C10orf67: variants seen among roughly 807,000 people sequenced by gnomAD.
C10orf67 encodes chromosome 10 open reading frame 67.
A neutral mutation model predicts 35.6 loss-of-function variants in C10orf67; 60 were observed. The ratio of observed to expected loss-of-function variants is 1.68; its 90% confidence interval spans 1.37 to 2.09. The LOEUF is 2.09. Ranked by LOEUF, C10orf67 falls within the 30% of genes most tolerant of loss-of-function variation. C10orf67 has a pLI of 0.00. For missense variants in C10orf67, 474 were observed against 330.2 expected, an observed-to-expected ratio of 1.44 and a Z score of -3.38; for synonymous variants, 167 against 115.8, an observed-to-expected ratio of 1.44 and a Z score of -2.84.
At chr10:23,268,408 A>G (rs1176962837) in intron 8 of C10orf67, among the ~76,000 whole-genome samples, 1 of 152,240 alleles carries the variant, frequency 6.6e-6, no homozygotes, top group Non-Finnish European at 1.5e-5. Flanking sequence ...ATTTATGAGT[A>G]ATGCCAGTGA....
intron 13 of C10orf67, among the ~76,000 whole-genome samples, chr10:23,230,754 T>TA (rs1199665637): frequency 2.1e-5 from 3 of 142,856 alleles, no homozygotes; most frequent in Non-Finnish European, 4.5e-5. Flanking sequence ...AACACACACA[T>TA]ACACGTAAAC....
chr10:23,266,242 G>C lies in C10orf67; in HGVS notation c.1200+20C>G, dbSNP rs901055858. ...TGCAGAGGAAGGTGGACAGGGTGTG[G>C]TCATGGAAGCAGTTCTTACCACAGC... On this transcript the variant is annotated intron_variant, in intron 10 of 15. Coordinates refer to ENST00000636213, the MANE Select transcript of C10orf67 (RefSeq NM_001371909.1). The C allele has an allele frequency of 5.0e-6, 2 of 398,634 alleles. No homozygotes were observed. Among genetic ancestry groups the C allele is most frequent in the Non-Finnish European group, 8.8e-6 (2 of 226,114 alleles). 24.7% of individuals were successfully genotyped at this position (398,634 alleles called of 1,614,324 possible).
rs185394171 is a variant in C10orf67 at position 23,299,131 on chromosome 10, T to C, written c.702+4173A>G. 2.9e-3 allele frequency among the ~76,000 whole-genome samples: 447 copies of C among 152,260 alleles called. 2 individuals carry two copies. The highest frequency in any genetic ancestry group is 9.6e-3 in the African/African-American group (400 of 41,536). ...GAAAGCAGAGTAGAAGGGTTAGGTA[T>C]AGCTGGGTATAGAGGAACAACAGAC... On this transcript the variant is annotated intron_variant, in intron 5 of 15. Transcript: ENST00000636213.
chr10:23,273,361 G>A lies in C10orf67; in HGVS notation c.976-6107C>T, dbSNP rs184539789. 1.6e-4 allele frequency among the ~76,000 whole-genome samples: 25 copies of A among 152,280 alleles called. No individual in the cohort carries two copies. The East Asian group carries it at 4.8e-3, about 29-fold the overall frequency. On this transcript the variant is annotated intron_variant, in intron 8 of 15. Coordinates refer to ENST00000636213, the MANE Select transcript of C10orf67 (RefSeq NM_001371909.1). ...CTTGAGAGGTTCTCTTCTATTCCCAGTTTGCTGAGAGTATTTTTTATCATG... is the reference window on the plus strand; with the variant it reads ...CTTGAGAGGTTCTCTTCTATTCCCAATTTGCTGAGAGTATTTTTTATCATG...
At chr10:23,274,274 A>C (rs1054242052) in intron 8 of C10orf67, among the ~76,000 whole-genome samples, 3 of 152,154 alleles carry the variant, frequency 2.0e-5, no homozygotes, top group African/African-American at 7.2e-5. Flanking sequence ...TCTTAACAGG[A>C]AACAGCGTTC....
intron 5 of C10orf67, among the ~76,000 whole-genome samples, chr10:23,296,491 TAGTC>T (rs1354694811): frequency 6.6e-6 from 1 of 152,210 alleles, no homozygotes; most frequent in Non-Finnish European, 1.5e-5. Context: ...TAGGGATTCT[TAGTC>T]GGCCTAGGAA....
chr10:23,246,615 T>C (rs966913442), intron 12 of C10orf67, among the ~76,000 whole-genome samples: 12 of 152,154 alleles, frequency 7.9e-5, no homozygotes, highest in Non-Finnish European at 1.5e-4. Context: ...TGGTCAAAGA[T>C]GGACTGCATA....
chr10:23,292,859 CT>C (rs1207872424), intron 5 of C10orf67, among the ~76,000 whole-genome samples: 1 of 152,080 alleles, frequency 6.6e-6, no homozygotes, highest in Non-Finnish European at 1.5e-5. Context: ...TTCATCTTAA[CT>C]AATGAGAACT....
intron 1 of C10orf67, among the ~76,000 whole-genome samples, chr10:23,338,259 C>A (rs181358978): frequency 6.6e-6 from 1 of 152,276 alleles, no homozygotes; most frequent in Admixed American, 6.5e-5. Flanking sequence ...TGATGGCCCT[C>A]GAACAAAATG....
intron 8 of C10orf67, among the ~76,000 whole-genome samples, chr10:23,270,521 G>A (rs2132208716): frequency 6.6e-6 from 1 of 152,342 alleles, no homozygotes; most frequent in East Asian, 1.9e-4. Context: ...TGGCAAGGTG[G>A]CAGATCTGTC....
At chr10:23,292,628 A>G (rs1843754314) in intron 5 of C10orf67, among the ~76,000 whole-genome samples, 1 of 152,222 alleles carries the variant, frequency 6.6e-6, no homozygotes, top group Non-Finnish European at 1.5e-5. Flanking sequence ...CCCCTGTAAC[A>G]GTTTTAAAGA....
rs961006129 is a variant in C10orf67 at position 23,308,862 on chromosome 10, C to G, written c.547-5403G>C. On this transcript the variant is annotated intron_variant, in intron 4 of 15. Coordinates refer to ENST00000636213, the MANE Select transcript of C10orf67 (RefSeq NM_001371909.1). Reference sequence around the variant, plus strand: ...GCCCCCAGTAAGTATTATATCCCAGCATTTAGTCCTGTTGTGGCTATTTTT... The same window carrying G: ...GCCCCCAGTAAGTATTATATCCCAGGATTTAGTCCTGTTGTGGCTATTTTT... 2.4e-4 allele frequency among the ~76,000 whole-genome samples: 37 copies of G among 152,132 alleles called. 2 individuals carry two copies. The highest frequency in any genetic ancestry group is 2.4e-3 in the Admixed American group (37 of 15,256).
At chr10:23,208,443 G>A (rs551173317) in intron 15 of C10orf67, among the ~76,000 whole-genome samples, 2 of 152,310 alleles carry the variant, frequency 1.3e-5, no homozygotes, top group South Asian at 2.1e-4. Flanking sequence ...GCAAGGTAGC[G>A]ATTTCCGCAG....
rs61499923 is a variant in C10orf67 at position 23,256,682 on chromosome 10, GT to G, written c.1201-5992del. Among the ~76,000 whole-genome samples, 127 of 146,608 alleles carry G rather than the reference GT, an allele frequency of 8.7e-4. 1 individual carries two copies. The East Asian group carries it at 8.7e-3, about 10-fold the overall frequency. On this transcript the variant is annotated intron_variant, in intron 10 of 15. Coordinates refer to ENST00000636213, the MANE Select transcript of C10orf67 (RefSeq NM_001371909.1). ...AAGTGGAGCTTGCACTCACTCACAA[GT>G]TTTTTTTTTTTTCCTGTCCCTTACC... is the stretch of plus-strand genomic sequence containing the variant.
chr10:23,281,914 A>G, intron 8 of C10orf67, 99 bp downstream of exon 8: 1 of 446,456 alleles, frequency 2.2e-6, no homozygotes, highest in Non-Finnish European at 4.1e-6. Flanking sequence ...GAAATGAGTC[A>G]TTCACAGGAA....
intron 13 of C10orf67, among the ~76,000 whole-genome samples, chr10:23,229,518 C>T (rs1052014707): frequency 1.3e-5 from 2 of 151,790 alleles, no homozygotes; most frequent in African/African-American, 4.8e-5. Flanking sequence ...ATCAACATGG[C>T]ACATGTATAC....
intron 10 of C10orf67, among the ~76,000 whole-genome samples, 170 bp downstream of exon 10, chr10:23,266,092 A>G (rs1376226498): frequency 6.6e-6 from 1 of 152,190 alleles, no homozygotes; most frequent in Admixed American, 6.5e-5. Context: ...TGGAAAAGTA[A>G]AGGAGGCTCA....
intron 13 of C10orf67, among the ~76,000 whole-genome samples, chr10:23,230,036 A>G (rs1841864610): frequency 6.6e-6 from 1 of 152,146 alleles, no homozygotes; most frequent in Admixed American, 6.6e-5. Context: ...CAAAGATCCA[A>G]TAAAGCTGGG....
chr10:23,257,880 T>C (rs1350005687), intron 10 of C10orf67, among the ~76,000 whole-genome samples: 4 of 152,034 alleles, frequency 2.6e-5, no homozygotes, highest in Non-Finnish European at 5.9e-5. Flanking sequence ...TTTGGTTAGA[T>C]TGGCCCAACC....
Sources: allele counts gnomAD v4.1 joint callset (sites outside exome capture counted in the v4.1 genomes callset), GRCh38; gene constraint gnomAD v4.1.1; transcripts MANE v1.5; gene names NCBI Gene and HGNC (gene_info 2026-07-23, HGNC 2026-07-21).